The following SPDEF variants were observed in gnomAD, a reference collection of about 807,000 sequenced individuals.
SPDEF encodes the protein SAM pointed domain containing ETS transcription factor.
Under a neutral mutation model 36.0 loss-of-function variants are expected in SPDEF, and 12 were observed. The ratio of observed to expected loss-of-function variants is 0.33; its 90% CI spans 0.21 to 0.54. The LOEUF is 0.54. Among genes scored for constraint, SPDEF ranks in the 20% least tolerant of loss-of-function variants. The pLI is 0.93. For missense variants in SPDEF, 388 were observed against 456.9 expected, an observed-to-expected ratio of 0.85 and a Z score of 1.37; for synonymous variants, 205 against 193.0, an observed-to-expected ratio of 1.06 and a Z score of -0.51.
chr6:34,543,801 G>C (rs183125838), intron 2 of SPDEF, among the ~76,000 whole-genome samples: 14 of 152,316 alleles, frequency 9.2e-5, no homozygotes, highest in African/African-American at 3.4e-4. Context: ...CTACCAGTGG[G>C]GACCCTAGGC....
At chr6:34,545,934 G>GCACA in intron 1 of SPDEF, among the ~76,000 whole-genome samples, 2 of 151,424 alleles carry the variant, frequency 1.3e-5, no homozygotes, top group Admixed American at 6.6e-5. Flanking sequence ...CAAAACACAC[G>GCACA]CACACACACA....
intron 2 of SPDEF, among the ~76,000 whole-genome samples, chr6:34,541,910 A>G (rs1243236762): frequency 6.6e-6 from 1 of 152,172 alleles, no homozygotes; most frequent in East Asian, 1.9e-4. Flanking sequence ...CATGGTCACA[A>G]TGGGGCCTCC....
chr6:34,541,676 G>C (rs1767825636), intron 2 of SPDEF, among the ~76,000 whole-genome samples: 1 of 152,214 alleles, frequency 6.6e-6, no homozygotes, highest in Admixed American at 6.5e-5. Flanking sequence ...TGAGGCACAG[G>C]GCACTCCATC....
At position 34,541,160 on chromosome 6, in the gene SPDEF, C is replaced by A; in HGVS notation, c.458G>T (p.Ser153Ile). Residue 153 changes from serine (S) to isoleucine (I), a missense_variant, in exon 3 of 6, where the codon AGC becomes ATC. Coordinates refer to ENST00000374037, the MANE Select transcript of SPDEF (RefSeq NM_012391.3). ...CCACAGGAGCCACTTCTGCACATTG[C>A]TGGGGCTCCAGTCCATGGGATCTGG... ...ITADPMDWSP[S>I]NVQKWLLWTE... 1 of 1,605,584 alleles carries A rather than the reference C, an allele frequency of 6.2e-7. No homozygotes were observed.
In SPDEF at chr6:34,538,494, G is replaced by C. The variant is rs1213410674; in HGVS notation, c.830-42C>G. 1 of 1,566,392 alleles carries C rather than the reference G, an allele frequency of 6.4e-7. No individual in the cohort carries two copies. Among genetic ancestry groups the C allele is most frequent in the South Asian group, 1.2e-5 (1 of 86,360 alleles). ...CCGAGAGAGCCAGTGGTATGAGTGA[G>C]GTGGCAAGAAGGAGAAAGACGCAGA... On this transcript the variant is annotated intron_variant, in intron 5 of 5. Coordinates refer to ENST00000374037, the MANE Select transcript of SPDEF (RefSeq NM_012391.3). The surrounding 1 kb of genome is among the most constrained non-coding windows in gnomAD (Gnocchi z 5.9).
chr6:34,542,364 C>T (rs528134896), intron 2 of SPDEF, among the ~76,000 whole-genome samples: 42 of 152,366 alleles, frequency 2.8e-4, no homozygotes, highest in Non-Finnish European at 4.7e-4. Context: ...CCGCCACCCA[C>T]AGCATCAGCT....
At position 34,539,119 on chromosome 6, in the gene SPDEF, G is replaced by T; in HGVS notation, c.829+131C>A. Reference sequence around the variant, plus strand: ...CTGTCCCATGAGAGCTGCATATTTGGCATCTAGGACAAAGGTGGGGATCAG... The same window carrying T: ...CTGTCCCATGAGAGCTGCATATTTGTCATCTAGGACAAAGGTGGGGATCAG... On this transcript the variant is annotated intron_variant, in intron 5 of 5. Transcript: ENST00000374037. The surrounding 1 kb of genome is among the most constrained non-coding windows in gnomAD (Gnocchi z 5.2). 9.6e-7 allele frequency: 1 copy of T among 1,039,706 alleles called. No homozygotes were observed. The highest frequency in any genetic ancestry group is 1.6e-5 in the African/African-American group (1 of 62,984). The allele number at this position is 1,039,706 out of a possible 1,614,324, so 64.4% of individuals were successfully genotyped here.
At chr6:34,541,410 A>G (rs1261792987) in intron 2 of SPDEF, among the ~76,000 whole-genome samples, 1 of 152,144 alleles carries the variant, frequency 6.6e-6, no homozygotes, top group African/African-American at 2.4e-5. Context: ...AGGGCAGGGT[A>G]ACCTGGTGCA....
rs1767727546 is a variant in SPDEF, at chr6:34,537,918, A to T, written c.*356T>A. On this transcript the variant is annotated 3_prime_UTR_variant, in exon 6 of 6. Transcript: ENST00000374037. ...GTGGTGCAGAATGGGAGGCAGGGGG[A>T]TGGAGCAGAGAGAGGCCTGGACTGC... 4.7e-6 allele frequency: 1 copy of T among 212,116 alleles called. No homozygotes were observed. The highest frequency in any genetic ancestry group is 9.5e-6 in the Non-Finnish European group (1 of 104,918). The allele number at this position is 212,116 out of a possible 1,614,324, so 13.1% of individuals were successfully genotyped here. A position where few individuals can be genotyped will look rare whatever the true frequency, so the allele number is the denominator to read the frequency against.
chr6:34,545,912 C>T (rs1040312585), intron 1 of SPDEF, among the ~76,000 whole-genome samples: 2 of 149,950 alleles, frequency 1.3e-5, no homozygotes, highest in East Asian at 2.0e-4. Flanking sequence ...AACTCCGTCT[C>T]GAAAAAAAAA....
At position 34,541,126 on chromosome 6, in the gene SPDEF, G is replaced by A; in HGVS notation, c.492C>T (p.His164=). ...NVQKWLLWTE[H]QYRLPPMGKA... ...TGCCCATGGGGGGCAGCCGGTATTGGTGCTCTGTCCACAGGAGCCACTTCT... is the reference window on the plus strand; with the variant it reads ...TGCCCATGGGGGGCAGCCGGTATTGATGCTCTGTCCACAGGAGCCACTTCT... Residue 164 remains histidine (H), a synonymous_variant, in exon 3 of 6, where the codon CAC becomes CAT. Coordinates refer to ENST00000374037, the MANE Select transcript of SPDEF (RefSeq NM_012391.3). The A allele has an allele frequency of 2.5e-6, 4 of 1,609,970 alleles. No homozygotes were observed. The highest frequency in any genetic ancestry group is 3.4e-6 in the Non-Finnish European group (4 of 1,178,512).
chr6:34,546,202 C>T (rs1582002083), intron 1 of SPDEF, among the ~76,000 whole-genome samples: 2 of 152,210 alleles, frequency 1.3e-5, no homozygotes, highest in South Asian at 4.1e-4. Context: ...GAATCAGCAG[C>T]TCTGGGGGAG....
intron 3 of SPDEF, 82 bp downstream of exon 3, chr6:34,540,902 A>G (rs1767803862): frequency 7.5e-7 from 1 of 1,333,574 alleles, no homozygotes. Context: ...CTGCTGCCCT[A>G]GCAGAGGGCA....
At chr6:34,545,138 G>A (rs987126424) in intron 1 of SPDEF, among the ~76,000 whole-genome samples, 1 of 152,176 alleles carries the variant, frequency 6.6e-6, no homozygotes, top group Non-Finnish European at 1.5e-5. Flanking sequence ...GAGCTCACAG[G>A]TGTGTGTCTC....
chr6:34,539,561 C>T lies in SPDEF; in HGVS notation c.636G>A (p.Ala212=), dbSNP rs374146437. 2.2e-5 allele frequency: 34 copies of T among 1,568,088 alleles called. No homozygotes were observed. Among genetic ancestry groups the T allele is most frequent in the African/African-American group, 2.2e-4 (16 of 73,892 alleles). The change falls in exon 4 of 6, where the codon GCG becomes GCA. Residue 212 remains alanine, a splice_region_variant and synonymous_variant. Coordinates refer to ENST00000374037, the MANE Select transcript of SPDEF (RefSeq NM_012391.3). This position sits in a 1 kb window ranked among gnomAD's most constrained non-coding sequence, Gnocchi z 5.2. The part of the protein sequence containing the change: ...LHAHLDIWKS[A]AWMKERTSPG... ...GTGAAGTCCGCTCTTTCATCCAGGC[C>T]GCTGCAGGGCAAGGAGAGGGGGTTG...
Position 34,539,207 on chromosome 6 carries a change from C to T in SPDEF, c.829+43G>A, listed in dbSNP as rs1767761182. Reference sequence around the variant, plus strand: ...GCCTGGCAGAAGCCCCCACAACCTCCATGCTCACTGGCCCTGCAGCGCCCC... The same window carrying T: ...GCCTGGCAGAAGCCCCCACAACCTCTATGCTCACTGGCCCTGCAGCGCCCC... On this transcript the variant is annotated intron_variant, in intron 5 of 5. Transcript: ENST00000374037. This position sits in a 1 kb window ranked among gnomAD's most constrained non-coding sequence, Gnocchi z 5.2. The T allele has an allele frequency of 1.9e-6, 3 of 1,607,104 alleles. No individual in the cohort carries two copies. Among genetic ancestry groups the T allele is most frequent in the African/African-American group, 2.7e-5 (2 of 74,982 alleles).
At chr6:34,553,015 C>T (rs1768094975) in intron 1 of SPDEF, among the ~76,000 whole-genome samples, 1 of 152,144 alleles carries the variant, frequency 6.6e-6, no homozygotes, top group Admixed American at 6.5e-5. Flanking sequence ...CTGGGCAGTC[C>T]CTCCAGCCAC....
chr6:34,543,424 G>A (rs985804533), intron 2 of SPDEF, among the ~76,000 whole-genome samples: 36 of 152,170 alleles, frequency 2.4e-4, no homozygotes, highest in Non-Finnish European at 4.0e-4. Flanking sequence ...CGTCCGAGGA[G>A]TGTAAGTGCT....
At chr6:34,543,116 C>T (rs1404034283) in intron 2 of SPDEF, among the ~76,000 whole-genome samples, 7 of 146,662 alleles carry the variant, frequency 4.8e-5, no homozygotes, top group East Asian at 2.0e-4. Flanking sequence ...GGCTTGAACC[C>T]GGGAGGCAGA....
Sources: gnomAD v4.1 joint callset for allele counts (sites outside exome capture counted in the v4.1 genomes callset) on GRCh38, gnomAD v4.1.1 for gene constraint, Gnocchi (gnomAD v3.1) non-coding constraint, MANE v1.5 for transcripts, NCBI Gene and HGNC (gene_info 2026-07-23, HGNC 2026-07-21) for gene names.